The following TENM4 variants were observed in gnomAD, a reference collection of about 807,000 sequenced individuals.
TENM4 encodes the protein teneurin transmembrane protein 4.
A neutral mutation model predicts 243.3 loss-of-function variants in TENM4; 82 were observed. That is an observed-to-expected ratio of 0.34 (90% CI 0.28 to 0.40). The LOEUF (loss-of-function observed/expected upper bound fraction) is 0.40. Among genes scored for constraint, TENM4 ranks in the 10% least tolerant of loss-of-function variants. The pLI is 1.00. For missense variants in TENM4, 3,138 were observed against 3,673.3 expected (o/e 0.85, Z 3.77); for synonymous variants, 1,412 against 1,456.3 (o/e 0.97, Z 0.69).
At chr11:79,283,628 A>C (rs927560749) in intron 2 of TENM4, among the ~76,000 whole-genome samples, 1 of 152,328 alleles carries the variant, frequency 6.6e-6, no homozygotes, top group Admixed American at 6.5e-5. Flanking sequence ...AAAGACTAAA[A>C]GCTTTCCCCC....
chr11:79,400,448 A>C (rs1410045118), intron 1 of TENM4, among the ~76,000 whole-genome samples: 1 of 152,004 alleles, frequency 6.6e-6, no homozygotes, highest in Non-Finnish European at 1.5e-5. Context: ...AAACTCCTCT[A>C]TGCTGGCACA....
intron 19 of TENM4, among the ~76,000 whole-genome samples, chr11:78,752,228 A>G (rs1446652392): frequency 6.6e-6 from 1 of 152,176 alleles, no homozygotes; most frequent in Admixed American, 6.5e-5. Flanking sequence ...TGAACCAGAG[A>G]GGGCCCCTCA....
At chr11:79,058,748 T>C (rs755450243) in intron 6 of TENM4, among the ~76,000 whole-genome samples, 3 of 152,136 alleles carry the variant, frequency 2.0e-5, no homozygotes, top group Non-Finnish European at 4.4e-5. Context: ...GCTCACAGAT[T>C]CCGAGAGGCT....
chr11:79,156,071 C>T (rs192382758), intron 3 of TENM4, among the ~76,000 whole-genome samples: 175 of 152,264 alleles, frequency 1.1e-3, no homozygotes, highest in African/African-American at 4.0e-3. Flanking sequence ...AAAATGTCAA[C>T]GGTTAGGACT....
intron 1 of TENM4, among the ~76,000 whole-genome samples, chr11:79,437,022 T>C (rs1376678844): frequency 2.6e-5 from 4 of 152,186 alleles, no homozygotes; most frequent in Non-Finnish European, 5.9e-5. Context: ...TCCCCAAACA[T>C]TTCCAAGGAC....
chr11:78,919,682 T>G (rs553415456), intron 6 of TENM4, among the ~76,000 whole-genome samples: 21 of 152,246 alleles, frequency 1.4e-4, no homozygotes, highest in Admixed American at 1.3e-4. Context: ...GACGTCTGAA[T>G]GCCTAGATCT....
chr11:79,190,013 C>G (rs1292870657), intron 3 of TENM4, among the ~76,000 whole-genome samples: 1 of 152,034 alleles, frequency 6.6e-6, no homozygotes, highest in Non-Finnish European at 1.5e-5. Flanking sequence ...GACTCCCATT[C>G]TTTTTAAAGG....
intron 6 of TENM4, among the ~76,000 whole-genome samples, chr11:78,995,474 C>T (rs1449419222): frequency 6.6e-6 from 1 of 152,112 alleles, no homozygotes; most frequent in Non-Finnish European, 1.5e-5. Flanking sequence ...AGTCAATTAC[C>T]TTCTACCAGG....
Position 78,668,937 on chromosome 11 carries a change from C to G in TENM4, c.7408G>C (p.Asp2470His). Residue 2470 changes from aspartate to histidine, a missense_variant and splice_region_variant, in exon 32 of 34, where the codon GAT becomes CAT. Asp to His is a moderately conservative substitution (Grantham distance 81, BLOSUM62 -1). This residue lies in a region of TENM4 where 2,467 missense variants were observed against 3,059.1 expected (regional missense o/e 0.81). Coordinates refer to ENST00000278550, the MANE Select transcript of TENM4 (RefSeq NM_001098816.3). Reference protein sequence around the residue: ...NSQDIKCFMTDVNSWLLTFGF... With the variant: ...NSQDIKCFMTHVNSWLLTFGF... ...CCCCTGAGTGAGCCGTGGTCCTTAC[C>G]TGTCATGAAGCACTTGATGTCCTGG... 6.2e-7 allele frequency: 1 copy of G among 1,610,832 alleles called. No homozygotes were observed. Among genetic ancestry groups the G allele is most frequent in the Non-Finnish European group, 8.5e-7 (1 of 1,177,378 alleles).
At chr11:79,399,843 C>CTTGTCGGTGTTGTTGTGCGGA (rs1343992871) in intron 1 of TENM4, among the ~76,000 whole-genome samples, 6 of 152,128 alleles carry the variant, frequency 3.9e-5, no homozygotes, top group Non-Finnish European at 1.5e-5. Flanking sequence ...TAAAACCTTC[C>CTTGTCGGTGTTGTTGTGCGGA]TTGTCGGTGT....
intron 4 of TENM4, among the ~76,000 whole-genome samples, chr11:79,128,424 G>A (rs766522425): frequency 9.9e-5 from 15 of 152,132 alleles, no homozygotes; most frequent in South Asian, 8.3e-4. Context: ...TGGTATATAC[G>A]TGATTGGGCT....
intron 4 of TENM4, among the ~76,000 whole-genome samples, chr11:79,091,518 T>C (rs1028055628): frequency 1.3e-5 from 2 of 152,198 alleles, no homozygotes; most frequent in Non-Finnish European, 2.9e-5. Flanking sequence ...ACCACAATCC[T>C]GTCCCTGCTC....
At chr11:79,302,387 C>T (rs1047397737) in intron 1 of TENM4, among the ~76,000 whole-genome samples, 1 of 152,204 alleles carries the variant, frequency 6.6e-6, no homozygotes, top group African/African-American at 2.4e-5. Flanking sequence ...GTCCATGTCT[C>T]ATGCTTTTCT....
chr11:79,015,891 G>T (rs549972821), intron 6 of TENM4, among the ~76,000 whole-genome samples: 6 of 152,328 alleles, frequency 3.9e-5, no homozygotes, highest in Admixed American at 1.3e-4. Flanking sequence ...TGATAAGGTG[G>T]TCAGAAAAGG....
rs764423791 is a variant in TENM4 at position 78,670,245 on chromosome 11, A to G, written c.6100T>C (p.Tyr2034His). The stretch of plus-strand genomic sequence containing the variant: ...TTCAGCATGCCTGCCGTCTCGTCAT[A>G]GGTGAAACTGACCTTGGTGGTGTCA... ...LYDTTKVSFT[Y>H]DETAGMLKTI... is the part of the protein sequence containing the mutation. Residue 2034 changes from tyrosine to histidine, a missense_variant, in exon 32 of 34, where the codon TAT becomes CAT. By Grantham distance (83) the Tyr-to-His change is moderately conservative. Around this residue, in one of 2 missense-constraint regions of TENM4, gnomAD observed 2,467 missense variants for 3,059.1 expected, o/e 0.81. Coordinates refer to ENST00000278550, the MANE Select transcript of TENM4 (RefSeq NM_001098816.3). 6.2e-7 allele frequency: 1 copy of G among 1,613,932 alleles called. No individual in the cohort carries two copies. Among genetic ancestry groups the G allele is most frequent in the South Asian group, 1.1e-5 (1 of 91,068 alleles).
Position 78,805,464 on chromosome 11 carries a change from G to T in TENM4, c.2007C>A (p.Gly669=), listed in dbSNP as rs1016834951. 1.9e-6 allele frequency: 3 copies of T among 1,588,282 alleles called. No individual in the cohort carries two copies. The African/African-American group carries it at 4.0e-5, about 21-fold the overall frequency. ...EVDCMDPTCS[G]RGVCVRGECH... is the part of the protein sequence containing the mutation. ...ATTCGCCTCTCACGCAGACACCCCG[G>T]CCTGAACATGTGGGGTCCATGCAGT... Residue 669 remains glycine, a synonymous_variant, in exon 15 of 34, where the codon GGC becomes GGA. Transcript: ENST00000278550.
chr11:78,937,707 A>G (rs1289517900), intron 6 of TENM4, among the ~76,000 whole-genome samples: 1 of 152,200 alleles, frequency 6.6e-6, no homozygotes, highest in African/African-American at 2.4e-5. Context: ...GAAGCTGTTC[A>G]TCTGGCCTTC....
chr11:79,258,316 A>T (rs1379238164), intron 2 of TENM4, among the ~76,000 whole-genome samples: 1 of 152,188 alleles, frequency 6.6e-6, no homozygotes, highest in Non-Finnish European at 1.5e-5. Flanking sequence ...GCATCTCCAC[A>T]CTGGTACAGG....
At chr11:79,167,773 G>A (rs1454808488) in intron 3 of TENM4, among the ~76,000 whole-genome samples, 1 of 152,200 alleles carries the variant, frequency 6.6e-6, no homozygotes, top group Non-Finnish European at 1.5e-5. Flanking sequence ...TGAGGGACGA[G>A]TGGAGGACAC....
Sources: gnomAD v4.1 joint callset for allele counts (sites outside exome capture counted in the v4.1 genomes callset) on GRCh38, gnomAD v4.1.1 for gene constraint, gnomAD v4.1.1 regional missense constraint, MANE v1.5 for transcripts, NCBI Gene and HGNC (gene_info 2026-07-23, HGNC 2026-07-21) for gene names.